Variants in UBE2D1 observed in about 807,000 individuals in gnomAD.
UBE2D1 encodes ubiquitin-conjugating enzyme E2 D1.
Under a neutral mutation model 24.6 loss-of-function variants are expected in UBE2D1, and 9 were observed. The ratio of observed to expected loss-of-function variants is 0.37; its 90% CI spans 0.22 to 0.64. The LOEUF (loss-of-function observed/expected upper bound fraction) is 0.64, where lower values mean the gene tolerates loss of function less well. UBE2D1 is among the 30% of genes least tolerant of loss of function. The pLI is 0.64. For synonymous variants in UBE2D1, 57 were observed against 57.6 expected (o/e 0.99, Z 0.04); for missense variants, 87 against 177.1 (o/e 0.49, Z 2.89).
chr10:58,347,724 T>C (rs951191573), intron 1 of UBE2D1, among the ~76,000 whole-genome samples: 3 of 151,194 alleles, frequency 2.0e-5, no homozygotes, highest in Non-Finnish European at 4.4e-5. Flanking sequence ...CTCGGCTTGC[T>C]GCAACCTCCG....
chr10:58,362,752 G>A (rs911944772), intron 3 of UBE2D1, among the ~76,000 whole-genome samples: 25 of 152,008 alleles, frequency 1.6e-4, no homozygotes, highest in African/African-American at 5.5e-4. Flanking sequence ...TATATAGTAA[G>A]AATTATTATA....
intron 1 of UBE2D1, among the ~76,000 whole-genome samples, chr10:58,342,196 G>A (rs1374274151): frequency 6.6e-6 from 1 of 152,198 alleles, no homozygotes; most frequent in Admixed American, 6.5e-5. Context: ...GAAGCATACA[G>A]TCTAGTGCTG....
intron 5 of UBE2D1, among the ~76,000 whole-genome samples, chr10:58,366,345 CAT>C (rs1183099474): frequency 2.0e-5 from 3 of 152,084 alleles, no homozygotes; most frequent in African/African-American, 7.2e-5. Flanking sequence ...ATAGTGTTAC[CAT>C]ACAGGGTTGC....
In UBE2D1 at chr10:58,361,377, T is replaced by TCA; in HGVS notation, c.65_66dup (p.Ala23GlnfsTer57). 1 of 1,614,206 alleles carries TCA rather than the reference T, an allele frequency of 6.2e-7. No individual in the cohort carries two copies. The highest frequency in any genetic ancestry group is 8.5e-7 in the Non-Finnish European group (1 of 1,180,030). ...ACAGCGCGATCCACCTGCTCACTGTTCAGCTGGACCTGTGGGAGATGACTG... is the reference window on the plus strand; with the variant it reads ...ACAGCGCGATCCACCTGCTCACTGTTCACAGCTGGACCTGTGGGAGATGACTG... On this transcript the variant is annotated frameshift_variant, in exon 2 of 7. Coordinates refer to ENST00000373910, the MANE Select transcript of UBE2D1 (RefSeq NM_003338.5). LOFTEE classifies it high-confidence loss of function.
intron 1 of UBE2D1, among the ~76,000 whole-genome samples, chr10:58,356,914 C>T (rs902659818): frequency 2.0e-5 from 3 of 152,092 alleles, no homozygotes; most frequent in Non-Finnish European, 4.4e-5. Context: ...TTTAATGCAG[C>T]ATGTGATAAA....
chr10:58,339,434 T>C (rs1264232755), intron 1 of UBE2D1, among the ~76,000 whole-genome samples: 10 of 152,208 alleles, frequency 6.6e-5, no homozygotes, highest in Admixed American at 6.5e-4. Flanking sequence ...CCTGGCTGTG[T>C]GGCTTACTAG....
At chr10:58,345,416 A>T (rs565347124) in intron 1 of UBE2D1, among the ~76,000 whole-genome samples, 1 of 152,168 alleles carries the variant, frequency 6.6e-6, no homozygotes, top group African/African-American at 2.4e-5. Context: ...TCAAGATTAC[A>T]GTGAGCTGTG....
At chr10:58,367,118 A>G (rs1043486982) in intron 5 of UBE2D1, among the ~76,000 whole-genome samples, 12 of 152,288 alleles carry the variant, frequency 7.9e-5, no homozygotes, top group East Asian at 1.9e-4. Flanking sequence ...TGCTCTATAA[A>G]TCCACCTTTG....
chr10:58,347,639 CT>C (rs774396274), intron 1 of UBE2D1, among the ~76,000 whole-genome samples: 543 of 116,228 alleles, frequency 4.7e-3, no homozygotes, highest in Non-Finnish European at 5.7e-3. Context: ...AAATTACACT[CT>C]TTTTTTTTTT....
At chr10:58,365,875 T>C (rs544232823) in intron 5 of UBE2D1, among the ~76,000 whole-genome samples, 2 of 152,352 alleles carry the variant, frequency 1.3e-5, no homozygotes, top group African/African-American at 2.4e-5. Context: ...ATATACAGCA[T>C]GTTTTTAAAA....
chr10:58,367,900 G>A (rs1206306230), intron 5 of UBE2D1, 23 bp from the exon 6 acceptor site: 4 of 1,503,638 alleles, frequency 2.7e-6, no homozygotes, highest in Non-Finnish European at 2.8e-6. Context: ...ATTGTCTAAT[G>A]TGATGTTCTC....
chr10:58,361,305 G>C (rs376717287), intron 1 of UBE2D1, 33 bp from the exon 2 acceptor site: 2 of 1,609,816 alleles, frequency 1.2e-6, no homozygotes, highest in African/African-American at 1.3e-5. Context: ...GGAAAAGAAG[G>C]AATTAACCTT....
rs1840306431 is a variant in UBE2D1, at chr10:58,370,665, A to AAC, written c.*1901_*1902insCA. The AAC allele has an allele frequency of 2.3e-5, 1 of 43,490 alleles. No individual in the cohort carries two copies. The highest frequency in any genetic ancestry group is 1.1e-4 in the African/African-American group (1 of 9,522). The allele number at this position is 43,490 out of a possible 1,614,324, so 2.7% of individuals were successfully genotyped here. On this transcript the variant is annotated 3_prime_UTR_variant, in exon 7 of 7. Transcript: ENST00000373910. ...TTCTTGAATATCTTCACTTTAAACA[A>AAC]AAAAAAAAAACAACTTTCATTTGTG...
chr10:58,337,072 A>G (rs953066014), intron 1 of UBE2D1, among the ~76,000 whole-genome samples: 1 of 152,124 alleles, frequency 6.6e-6, no homozygotes, highest in Non-Finnish European at 1.5e-5. Context: ...TTTGATTTAT[A>G]TTTATAATAT....
chr10:58,363,190 T>C (rs1840219077), intron 3 of UBE2D1, among the ~76,000 whole-genome samples: 1 of 152,174 alleles, frequency 6.6e-6, no homozygotes, highest in Non-Finnish European at 1.5e-5. Context: ...ACATCAGAAC[T>C]TAAGTTTTAC....
intron 1 of UBE2D1, among the ~76,000 whole-genome samples, chr10:58,350,279 A>G (rs894869878): frequency 1.1e-4 from 17 of 151,948 alleles, no homozygotes; most frequent in African/African-American, 4.1e-4. Context: ...CAACACTTGT[A>G]CTCTCTTCTA....
At chr10:58,351,555 G>A (rs939352818) in intron 1 of UBE2D1, among the ~76,000 whole-genome samples, 5 of 152,170 alleles carry the variant, frequency 3.3e-5, no homozygotes, top group African/African-American at 1.2e-4. Flanking sequence ...TTCAGGGACA[G>A]CATGGAGTTG....
intron 1 of UBE2D1, among the ~76,000 whole-genome samples, chr10:58,342,334 A>G (rs1345320700): frequency 6.6e-6 from 1 of 151,870 alleles, no homozygotes; most frequent in Non-Finnish European, 1.5e-5. Flanking sequence ...GTTCTTATTT[A>G]GATTCCTGGG....
rs1444688452 is a variant in UBE2D1, at chr10:58,367,912, T to C, written c.305-11T>C. The C allele has an allele frequency of 6.3e-7, 1 of 1,582,576 alleles. No homozygotes were observed. The highest frequency in any genetic ancestry group is 8.7e-7 in the Non-Finnish European group (1 of 1,152,862). On this transcript the variant is annotated splice_polypyrimidine_tract_variant and intron_variant, in intron 5 of 6. Transcript: ENST00000373910. Reference sequence around the variant, plus strand: ...GTTATTGTCTAATGTGATGTTCTCTTTTAAATCTAGTTTTATTGTCCATAT... The same window carrying C: ...GTTATTGTCTAATGTGATGTTCTCTCTTAAATCTAGTTTTATTGTCCATAT...
Sources: allele counts gnomAD v4.1 joint callset (sites outside exome capture counted in the v4.1 genomes callset), GRCh38; gene constraint gnomAD v4.1.1; transcripts MANE v1.5; gene names NCBI Gene and HGNC (gene_info 2026-07-23, HGNC 2026-07-21).